Variants in ADAMTSL1 observed in about 807,000 individuals in gnomAD.
ADAMTSL1 encodes ADAMTS-like protein 1.
A neutral mutation model predicts 201.8 loss-of-function variants in ADAMTSL1; 126 were observed. The ratio of observed to expected loss-of-function variants is 0.62; its 90% CI spans 0.54 to 0.72. The LOEUF (loss-of-function observed/expected upper bound fraction) is 0.72. Ranked by LOEUF, ADAMTSL1 falls within the 30% of genes least tolerant of loss-of-function variation. ADAMTSL1 has a pLI of 0.00. For missense variants in ADAMTSL1, 2,679 were observed against 2,277.8 expected (o/e 1.18, Z -3.59); for synonymous variants, 1,121 against 903.4 (o/e 1.24, Z -4.32).
chr9:18,888,061 C>A lies in ADAMTSL1; in HGVS notation c.4462+18C>A. The A allele has an allele frequency of 1.2e-6, 2 of 1,604,818 alleles. No homozygotes were observed. Among genetic ancestry groups the A allele is most frequent in the Non-Finnish European group, 8.5e-7 (1 of 1,173,670 alleles). ...GATCCAAGGTAAGAAACCCTGCAGA[C>A]TTTGCATACTGGACTTGAACAAGAA... On this transcript the variant is annotated intron_variant, in intron 24 of 28. Transcript: ENST00000380548.
intron 3 of ADAMTSL1, among the ~76,000 whole-genome samples, chr9:18,549,396 T>C (rs1212051284): frequency 1.3e-5 from 2 of 151,858 alleles, no homozygotes; most frequent in African/African-American, 2.4e-5. Flanking sequence ...GTAGGCAAAA[T>C]ACAAACATGT....
intron 4 of ADAMTSL1, among the ~76,000 whole-genome samples, chr9:18,597,694 T>A (rs745614445): frequency 3.3e-5 from 5 of 152,114 alleles, no homozygotes; most frequent in Non-Finnish European, 5.9e-5. Flanking sequence ...CTGGCATACT[T>A]CCAAGGAAAT....
chr9:18,381,850 T>A (rs2133183927), intron 2 of ADAMTSL1, among the ~76,000 whole-genome samples: 1 of 152,194 alleles, frequency 6.6e-6, no homozygotes. Flanking sequence ...TCAGTAAGGA[T>A]GATTTTAAAG....
chr9:18,299,584 A>C (rs1281557467), intron 2 of ADAMTSL1, among the ~76,000 whole-genome samples: 1 of 152,168 alleles, frequency 6.6e-6, no homozygotes, highest in Non-Finnish European at 1.5e-5. Context: ...GTGTCCTCTC[A>C]GGGGAAGACA....
chr9:18,373,518 G>C lies in ADAMTSL1; in HGVS notation c.208-131311G>C, dbSNP rs569044030. On this transcript the variant is annotated intron_variant, in intron 2 of 29. Coordinates refer to the ADAMTSL1 transcript ENST00000680146. The stretch of plus-strand genomic sequence containing the variant: ...GCAGATTGGTTTGGCTCTGCCCTCG[G>C]AAGTTAGGAGTCATAAATTTGCAAA... Among the ~76,000 whole-genome samples the C allele has an allele frequency of 3.9e-5, 6 of 152,058 alleles. No individual in the cohort carries two copies. In the South Asian group the frequency reaches 8.3e-4, roughly 21 times the overall value.
intron 2 of ADAMTSL1, among the ~76,000 whole-genome samples, chr9:18,335,274 T>C (rs182131311): frequency 8.7e-4 from 133 of 152,242 alleles, no homozygotes; most frequent in Non-Finnish European, 1.5e-3. Context: ...AGGTGGAAAA[T>C]ATTCTAGGCA....
chr9:18,525,936 G>C (rs1434257852), intron 2 of ADAMTSL1, among the ~76,000 whole-genome samples: 1 of 152,224 alleles, frequency 6.6e-6, no homozygotes, highest in Non-Finnish European at 1.5e-5. Context: ...TTGGGGTGGA[G>C]AGTTTTGTAG....
intron 3 of ADAMTSL1, among the ~76,000 whole-genome samples, chr9:18,554,182 C>T (rs1360765217): frequency 6.6e-6 from 1 of 151,354 alleles, no homozygotes; most frequent in Non-Finnish European, 1.5e-5. Context: ...TTTAAATCTA[C>T]ATGATGACAC....
In ADAMTSL1 at chr9:18,432,521, G is replaced by A. The variant is rs536756660; in HGVS notation, c.208-72308G>A. Among the ~76,000 whole-genome samples the A allele has an allele frequency of 5.3e-4, 81 of 152,080 alleles. No homozygotes were observed. The Middle Eastern group carries it at 0.02, about 38-fold the overall frequency. On this transcript the variant is annotated intron_variant, in intron 2 of 29. Transcript: ENST00000680146. ...ATAAAACCCACATTCTGAATCTTAT[G>A]TAGCTTACATTATTCTATCTTTCCC...
chr9:18,468,488 C>T (rs1221480432), intron 2 of ADAMTSL1, among the ~76,000 whole-genome samples: 1 of 152,076 alleles, frequency 6.6e-6, no homozygotes, highest in Admixed American at 6.6e-5. Context: ...TTTATTATCT[C>T]CTACTTGTAT....
intron 2 of ADAMTSL1, among the ~76,000 whole-genome samples, chr9:18,348,524 C>T (rs188469414): frequency 3.3e-4 from 50 of 152,234 alleles, no homozygotes; most frequent in Non-Finnish European, 4.6e-4. Flanking sequence ...ACACTTGCTA[C>T]GTAATGAGTA....
intron 2 of ADAMTSL1, among the ~76,000 whole-genome samples, chr9:18,317,695 AC>A (rs1195590195): frequency 1.3e-5 from 2 of 152,062 alleles, no homozygotes; most frequent in African/African-American, 2.4e-5. Flanking sequence ...CAGCCTGCTC[AC>A]CCCGAGGTCT....
chr9:18,709,699 A>G (rs752818932), intron 14 of ADAMTSL1, among the ~76,000 whole-genome samples: 1 of 152,106 alleles, frequency 6.6e-6, no homozygotes, highest in Non-Finnish European at 1.5e-5. Context: ...TCCAACTGTC[A>G]CTTCCTTGTT....
chr9:18,084,118 C>A (rs372542679), intron 1 of ADAMTSL1, among the ~76,000 whole-genome samples: 2 of 152,304 alleles, frequency 1.3e-5, no homozygotes, highest in South Asian at 2.1e-4. Context: ...CTTTGCCATG[C>A]GAGAATCAAT....
intron 23 of ADAMTSL1, among the ~76,000 whole-genome samples, chr9:18,877,332 T>A (rs1264599373): frequency 6.6e-6 from 1 of 152,194 alleles, no homozygotes; most frequent in African/African-American, 2.4e-5. Context: ...GGATTGTTTT[T>A]CTGGTTCCTT....
intron 23 of ADAMTSL1, among the ~76,000 whole-genome samples, chr9:18,853,275 G>C (rs1188571255): frequency 6.6e-6 from 1 of 152,182 alleles, no homozygotes; most frequent in East Asian, 1.9e-4. Flanking sequence ...AATTTATTAA[G>C]ACAGGGGCAT....
intron 2 of ADAMTSL1, among the ~76,000 whole-genome samples, chr9:18,202,691 T>G (rs1829499561): frequency 6.6e-6 from 1 of 152,164 alleles, no homozygotes; most frequent in African/African-American, 2.4e-5. Context: ...CTGTAACACT[T>G]CCGTCCCCTT....
upstream of ADAMTSL1, among the ~76,000 whole-genome samples, chr9:18,469,558 T>G (rs893178866): frequency 6.6e-6 from 1 of 152,104 alleles, no homozygotes; most frequent in Non-Finnish European, 1.5e-5. Flanking sequence ...ACCATGGGAG[T>G]TGCTGCCTCT....
chr9:18,784,071 T>C (rs1475394956), intron 19 of ADAMTSL1, among the ~76,000 whole-genome samples: 1 of 152,208 alleles, frequency 6.6e-6, no homozygotes, highest in African/African-American at 2.4e-5. Context: ...CTCATAGAAC[T>C]GAGCTCTGCT....
Sources: gnomAD v4.1 joint callset for allele counts (sites outside exome capture counted in the v4.1 genomes callset) on GRCh38, gnomAD v4.1.1 for gene constraint, MANE v1.5 for transcripts, NCBI Gene and HGNC (gene_info 2026-07-23, HGNC 2026-07-21) for gene names.